The following PPP2R5A variants were observed in gnomAD, a reference collection of about 807,000 sequenced individuals.
PPP2R5A encodes serine/threonine-protein phosphatase 2A 56 kDa regulatory subunit alpha isoform.
PPP2R5A carries 25 observed loss-of-function variants against 64.2 expected under a neutral mutation model. That is an observed-to-expected ratio of 0.39 (90% confidence interval 0.28 to 0.54). PPP2R5A has a LOEUF of 0.54. Among genes scored for constraint, PPP2R5A ranks in the 20% least tolerant of loss-of-function variants. The pLI is 0.67. For missense variants in PPP2R5A, 425 were observed against 576.3 expected (o/e 0.74, Z 2.69); for synonymous variants, 198 against 201.2 (o/e 0.98, Z 0.13).
At chr1:212,311,143 C>A (rs576095499) in intron 1 of PPP2R5A, among the ~76,000 whole-genome samples, 4 of 152,006 alleles carry the variant, frequency 2.6e-5, no homozygotes, top group African/African-American at 4.8e-5. Context: ...TATGGTGATG[C>A]CAGTGTAAAA....
chr1:212,318,739 G>A (rs1659205747), intron 1 of PPP2R5A, among the ~76,000 whole-genome samples: 1 of 152,180 alleles, frequency 6.6e-6, no homozygotes, highest in South Asian at 2.1e-4. Context: ...TACAGACTAT[G>A]TAGAGACTTT....
chr1:212,342,175 CTT>C lies in PPP2R5A; in HGVS notation c.481-11_481-10del. ...AGCCATCATCTTAGCCTTTATTTGA[CTT>C]TCTCTCATAGTTGGTATATGAATTC... On this transcript the variant is annotated splice_polypyrimidine_tract_variant and intron_variant, in intron 3 of 12. Coordinates refer to ENST00000261461, the MANE Select transcript of PPP2R5A (RefSeq NM_006243.4). The C allele has an allele frequency of 1.2e-6, 2 of 1,610,574 alleles. No homozygotes were observed. The highest frequency in any genetic ancestry group is 1.7e-6 in the Non-Finnish European group (2 of 1,178,254).
intron 1 of PPP2R5A, among the ~76,000 whole-genome samples, chr1:212,291,847 CTG>C (rs558795728): frequency 2.6e-5 from 4 of 152,186 alleles, no homozygotes; most frequent in Non-Finnish European, 5.9e-5. Context: ...TTTCTTTTCT[CTG>C]TGATTTTTGG....
At chr1:212,319,741 C>T (rs1659229976) in intron 1 of PPP2R5A, among the ~76,000 whole-genome samples, 1 of 149,962 alleles carries the variant, frequency 6.7e-6, no homozygotes, top group African/African-American at 2.5e-5. Context: ...CTGTCTCAGT[C>T]TCCCGAGTAG....
At chr1:212,345,501 G>A (rs1659761796) in intron 4 of PPP2R5A, among the ~76,000 whole-genome samples, 2 of 152,266 alleles carry the variant, frequency 1.3e-5, no homozygotes, top group South Asian at 2.1e-4. Context: ...CCAAAATTGT[G>A]AGCCTCTTTA....
In PPP2R5A at chr1:212,319,618, CT is replaced by C. The variant is rs11417541; in HGVS notation, c.182-9498del. 1.4e-3 allele frequency: 173 copies of C among 126,928 alleles called. 2 individuals carry two copies. The highest frequency in any genetic ancestry group is 1.9e-3 in the African/African-American group (58 of 30,426). The allele number at this position is 126,928 out of a possible 1,614,324, so 7.9% of individuals were successfully genotyped here. A position where few individuals can be genotyped will look rare whatever the true frequency, so the allele number is the denominator to read the frequency against. On this transcript the variant is annotated intron_variant, in intron 1 of 12. Coordinates refer to ENST00000261461, the MANE Select transcript of PPP2R5A (RefSeq NM_006243.4). ...TTATGTGTTCTTTTTGTTTTCTTTT[CT>C]TTTTTTTTTTTTTTTTTTGAGACGG...
intron 1 of PPP2R5A, among the ~76,000 whole-genome samples, chr1:212,323,143 C>CTT (rs1472779227): frequency 1.3e-5 from 2 of 152,152 alleles, no homozygotes; most frequent in African/African-American, 4.8e-5. Context: ...TCTTGAATTA[C>CTT]CTTTGATTCC....
chr1:212,355,878 C>CTT (rs1384509201), intron 8 of PPP2R5A, among the ~76,000 whole-genome samples: 4 of 151,634 alleles, frequency 2.6e-5, no homozygotes, highest in Admixed American at 2.6e-4. Flanking sequence ...CCAGCCTGGC[C>CTT]AAGATGGTGA....
intron 8 of PPP2R5A, among the ~76,000 whole-genome samples, chr1:212,351,104 A>C (rs11577005): frequency 0.43 from 46,768 of 109,580 alleles, 8,284 homozygotes; most frequent in African/African-American, 0.49. Context: ...AGATGACACA[A>C]AAAAAAAAAC....
intron 11 of PPP2R5A, chr1:212,358,176 TTGCAGAGGATA>T (rs1660017269): frequency 6.6e-6 from 1 of 152,272 alleles, no homozygotes; most frequent in African/African-American, 2.4e-5. Context: ...AACTGAACAT[TTGCAGAGGATA>T]CACAAACTAC....
chr1:212,335,253 G>A (rs574051048), intron 3 of PPP2R5A, among the ~76,000 whole-genome samples: 5 of 152,184 alleles, frequency 3.3e-5, no homozygotes, highest in African/African-American at 1.2e-4. Context: ...GCCAAGCTGG[G>A]TGGATCACCT....
In PPP2R5A at chr1:212,356,614, T is replaced by C. The variant is rs774559162; in HGVS notation, c.928-12T>C. ...GTTATTAAATTCATGCTAAACTTTTTCTTTTTCGCAGGTGATCAGAGGACT... is the reference window on the plus strand; with the variant it reads ...GTTATTAAATTCATGCTAAACTTTTCCTTTTTCGCAGGTGATCAGAGGACT... On this transcript the variant is annotated splice_polypyrimidine_tract_variant and intron_variant, in intron 8 of 12. Coordinates refer to ENST00000261461, the MANE Select transcript of PPP2R5A (RefSeq NM_006243.4). 2.5e-6 allele frequency: 4 copies of C among 1,607,636 alleles called. No homozygotes were observed. The highest frequency in any genetic ancestry group is 3.4e-6 in the Non-Finnish European group (4 of 1,177,842).
At chr1:212,314,554 C>T (rs913728814) in intron 1 of PPP2R5A, among the ~76,000 whole-genome samples, 31 of 142,074 alleles carry the variant, frequency 2.2e-4, no homozygotes, top group Non-Finnish European at 5.9e-5. Flanking sequence ...TGCCACCAAG[C>T]CTATTTTTTT....
At chr1:212,328,270 T>C (rs1659441300) in intron 1 of PPP2R5A, among the ~76,000 whole-genome samples, 1 of 152,128 alleles carries the variant, frequency 6.6e-6, no homozygotes, top group South Asian at 2.1e-4. Flanking sequence ...GGAAAGCTTC[T>C]GAAAACTGTA....
rs1658681189 is a variant in PPP2R5A, at chr1:212,295,687, G to A, written c.181+9396G>A. Among the ~76,000 whole-genome samples the A allele has an allele frequency of 2.0e-5, 3 of 152,154 alleles. No individual in the cohort carries two copies. The South Asian group carries it at 6.2e-4, about 32-fold the overall frequency. ...AGAGAGTGGAGACAAGGCTGTCAGGGGAAGAGAGTCTTTAAAAACTGGGGG... is the reference window on the plus strand; with the variant it reads ...AGAGAGTGGAGACAAGGCTGTCAGGAGAAGAGAGTCTTTAAAAACTGGGGG... On this transcript the variant is annotated intron_variant, in intron 1 of 12. Coordinates refer to ENST00000261461, the MANE Select transcript of PPP2R5A (RefSeq NM_006243.4).
intron 6 of PPP2R5A, 49 bp downstream of exon 6, chr1:212,347,455 T>G: frequency 7.3e-7 from 1 of 1,372,918 alleles, no homozygotes; most frequent in Non-Finnish European, 1.0e-6. Flanking sequence ...AGTGAATGTT[T>G]TATGTATTAA....
chr1:212,332,495 A>G (rs1659520804), intron 2 of PPP2R5A, among the ~76,000 whole-genome samples: 1 of 152,252 alleles, frequency 6.6e-6, no homozygotes, highest in Admixed American at 6.5e-5. Context: ...TACTAAGATA[A>G]TGCAAAGCAT....
chr1:212,356,867 G>T, intron 9 of PPP2R5A, 83 bp from the exon 10 acceptor site: 1 of 1,342,000 alleles, frequency 7.5e-7, no homozygotes, highest in African/African-American at 1.5e-5. Flanking sequence ...ATACTATGCA[G>T]ATTAACCTTC....
chr1:212,292,664 C>T (rs1340821923), intron 1 of PPP2R5A, among the ~76,000 whole-genome samples: 1 of 152,190 alleles, frequency 6.6e-6, no homozygotes, highest in Non-Finnish European at 1.5e-5. Flanking sequence ...CCTCAAACTT[C>T]TGGGCTCAGG....
Sources: allele counts gnomAD v4.1 joint callset (sites outside exome capture counted in the v4.1 genomes callset), GRCh38; gene constraint gnomAD v4.1.1; transcripts MANE v1.5; gene names NCBI Gene and HGNC (gene_info 2026-07-23, HGNC 2026-07-21).